DCLK2: variants seen among roughly 807,000 people sequenced by gnomAD.
DCLK2 encodes doublecortin like kinase 2.
Under a neutral mutation model 78.4 loss-of-function variants are expected in DCLK2, and 31 were observed. The ratio of observed to expected loss-of-function variants is 0.40; its 90% CI spans 0.30 to 0.53. The LOEUF (loss-of-function observed/expected upper bound fraction) is 0.53, where lower values mean the gene tolerates loss of function less well. Among genes scored for constraint, DCLK2 ranks in the 20% least tolerant of loss-of-function variants. The pLI, the probability that DCLK2 is intolerant of heterozygous loss-of-function variation, is 0.61. For synonymous variants in DCLK2, 407 were observed against 374.9 expected (o/e 1.09, Z -0.99); for missense variants, 872 against 973.7 (o/e 0.90, Z 1.39).
At chr4:150,241,660 C>T (rs1051147403) in intron 12 of DCLK2, among the ~76,000 whole-genome samples, 1 of 152,144 alleles carries the variant, frequency 6.6e-6, no homozygotes, top group Non-Finnish European at 1.5e-5. Flanking sequence ...TACAGTGTGG[C>T]TTATAAACAC....
chr4:150,175,119 T>TATATA (rs1553964266), intron 2 of DCLK2, among the ~76,000 whole-genome samples: 1 of 98,804 alleles, frequency 1.0e-5, no homozygotes, highest in African/African-American at 5.3e-5. Context: ...TATTTATATT[T>TATATA]TTTATATATA....
At chr4:150,216,369 C>T (rs928783173) in intron 5 of DCLK2, among the ~76,000 whole-genome samples, 2 of 152,164 alleles carry the variant, frequency 1.3e-5, no homozygotes, top group African/African-American at 2.4e-5. Flanking sequence ...CTCGGTGCAG[C>T]GGCTCATGCC....
chr4:150,150,405 C>T (rs1389132890), intron 2 of DCLK2, among the ~76,000 whole-genome samples: 2 of 151,966 alleles, frequency 1.3e-5, no homozygotes, highest in African/African-American at 4.8e-5. Flanking sequence ...GTAATACCTA[C>T]CTCAGGGCTA....
intron 2 of DCLK2, among the ~76,000 whole-genome samples, chr4:150,103,885 G>A (rs991952910): frequency 2.6e-5 from 4 of 151,722 alleles, no homozygotes; most frequent in Admixed American, 6.6e-5. Flanking sequence ...CCTCATAGCC[G>A]CCTGCCCCCA....
chr4:150,245,490 G>T (rs1398677144), intron 12 of DCLK2, among the ~76,000 whole-genome samples: 1 of 152,088 alleles, frequency 6.6e-6, no homozygotes, highest in Non-Finnish European at 1.5e-5. Flanking sequence ...TTTACATTAG[G>T]TATATCTCCT....
chr4:150,096,888 G>A (rs1730504834), intron 1 of DCLK2, among the ~76,000 whole-genome samples: 1 of 152,136 alleles, frequency 6.6e-6, no homozygotes, highest in Non-Finnish European at 1.5e-5. Context: ...AGCACATTAG[G>A]TAGAGTAGAG....
intron 2 of DCLK2, among the ~76,000 whole-genome samples, chr4:150,156,633 C>T (rs1735292189): frequency 6.6e-6 from 1 of 151,860 alleles, no homozygotes; most frequent in Non-Finnish European, 1.5e-5. Context: ...CATGCCATTG[C>T]ACCTGCAGCC....
chr4:150,153,133 T>C (rs962674536), intron 2 of DCLK2, among the ~76,000 whole-genome samples: 2 of 152,102 alleles, frequency 1.3e-5, no homozygotes, highest in Admixed American at 1.3e-4. Context: ...GTCCATGGAG[T>C]AGTGGGCCAC....
At chr4:150,135,676 C>G (rs995617227) in intron 2 of DCLK2, among the ~76,000 whole-genome samples, 2 of 152,200 alleles carry the variant, frequency 1.3e-5, no homozygotes, top group African/African-American at 4.8e-5. Context: ...TCATCTGTCT[C>G]ACAAACTTGA....
In DCLK2 at chr4:150,250,807, C is replaced by T. The variant is rs372278763; in HGVS notation, c.2073+1123C>T. Among the ~76,000 whole-genome samples the T allele has an allele frequency of 3.6e-4, 55 of 151,080 alleles. 1 individual carries two copies. Among genetic ancestry groups the T allele is most frequent in the East Asian group, 1.8e-3 (9 of 5,110 alleles). On this transcript the variant is annotated intron_variant, in intron 15 of 15. Coordinates refer to ENST00000296550, the MANE Select transcript of DCLK2 (RefSeq NM_001040260.4). ...TGTCTGAGAGCCTTACCTAGGAAGA[C>T]GCAGGGTCTAGATAGAAGCTATAAG...
At chr4:150,171,741 C>T (rs1736546644) in intron 2 of DCLK2, among the ~76,000 whole-genome samples, 1 of 152,082 alleles carries the variant, frequency 6.6e-6, no homozygotes, top group Non-Finnish European at 1.5e-5. Flanking sequence ...CATTGGCTAC[C>T]GCATAAAATT....
At chr4:150,239,509 G>A (rs1352014767) in intron 10 of DCLK2, among the ~76,000 whole-genome samples, 1 of 151,970 alleles carries the variant, frequency 6.6e-6, no homozygotes, top group South Asian at 2.1e-4. Context: ...TTCCGTGGGG[G>A]AAGGATTACT....
intron 2 of DCLK2, among the ~76,000 whole-genome samples, chr4:150,140,770 TAA>T (rs1734056191): frequency 6.6e-6 from 1 of 152,196 alleles, no homozygotes; most frequent in Admixed American, 6.5e-5. Flanking sequence ...AGAAATACTA[TAA>T]AGAGGTTAAA....
intron 2 of DCLK2, among the ~76,000 whole-genome samples, chr4:150,121,062 A>G (rs1317504786): frequency 6.6e-6 from 1 of 151,756 alleles, no homozygotes; most frequent in Non-Finnish European, 1.5e-5. Flanking sequence ...CAAGAGTGAA[A>G]CTTTGTCTAA....
chr4:150,099,982 A>C (rs1019104399), intron 1 of DCLK2, among the ~76,000 whole-genome samples: 1 of 152,134 alleles, frequency 6.6e-6, no homozygotes, highest in Non-Finnish European at 1.5e-5. Context: ...GTGAGATTAT[A>C]TCTCTCTGTA....
intron 2 of DCLK2, among the ~76,000 whole-genome samples, chr4:150,186,938 A>G (rs1057374072): frequency 4.7e-5 from 7 of 149,362 alleles, no homozygotes; most frequent in African/African-American, 1.7e-4. Context: ...GTAGTCTCAT[A>G]TACTTGTGAA....
At chr4:150,085,533 C>T (rs974074571) in intron 1 of DCLK2, among the ~76,000 whole-genome samples, 2 of 152,136 alleles carry the variant, frequency 1.3e-5, no homozygotes, top group Non-Finnish European at 2.9e-5. Context: ...GATCTAATCA[C>T]CTCTTCAAGG....
chr4:150,116,385 C>T (rs759869577), intron 2 of DCLK2, among the ~76,000 whole-genome samples: 14 of 152,204 alleles, frequency 9.2e-5, no homozygotes, highest in East Asian at 1.9e-4. Context: ...CCCGGCACTG[C>T]GCCTATGCCT....
chr4:150,200,526 C>G (rs1187108403), intron 4 of DCLK2, among the ~76,000 whole-genome samples: 1 of 152,196 alleles, frequency 6.6e-6, no homozygotes, highest in East Asian at 1.9e-4. Context: ...TTTCCACTTT[C>G]TACCACCAGG....
Sources: allele counts gnomAD v4.1 joint callset (sites outside exome capture counted in the v4.1 genomes callset), GRCh38; gene constraint gnomAD v4.1.1; transcripts MANE v1.5; gene names NCBI Gene and HGNC (gene_info 2026-07-23, HGNC 2026-07-21).